Variants in CLEC2A observed in about 807,000 individuals in gnomAD.
CLEC2A encodes keratinocyte-associated C-type lectin.
Under a neutral mutation model 18.6 loss-of-function variants are expected in CLEC2A, and 19 were observed. That is an observed-to-expected ratio of 1.02 (90% confidence interval 0.71 to 1.50). The LOEUF (loss-of-function observed/expected upper bound fraction) is 1.50. CLEC2A is among the 40% of genes most tolerant of loss of function. The pLI, the probability that CLEC2A is intolerant of heterozygous loss-of-function variation, is 0.00. For missense variants in CLEC2A, 190 were observed against 207.9 expected, an observed-to-expected ratio of 0.91 and a Z score of 0.53; for synonymous variants, 74 against 64.0, an observed-to-expected ratio of 1.16 and a Z score of -0.75.
chr12:9,915,136 T>G (rs1863050078), intron 4 of CLEC2A, among the ~76,000 whole-genome samples: 1 of 150,636 alleles, frequency 6.6e-6, no homozygotes, highest in African/African-American at 2.4e-5. Flanking sequence ...GAAATGCAAA[T>G]CAAAACAATA....
At chr12:9,927,008 A>G (rs370382994) in intron 1 of CLEC2A, among the ~76,000 whole-genome samples, 6 of 152,062 alleles carry the variant, frequency 3.9e-5, no homozygotes, top group African/African-American at 1.2e-4. Flanking sequence ...TGTAGAAACA[A>G]TCTAGGAAGA....
downstream of CLEC2A, among the ~76,000 whole-genome samples, chr12:9,911,656 C>CT (rs1254847332): frequency 6.6e-6 from 1 of 152,156 alleles, no homozygotes; most frequent in East Asian, 1.9e-4. Flanking sequence ...AGTACCACAG[C>CT]TTTTATCTTC....
intron 1 of CLEC2A, among the ~76,000 whole-genome samples, chr12:9,927,847 G>C (rs953220037): frequency 6.6e-6 from 1 of 151,268 alleles, no homozygotes; most frequent in South Asian, 2.1e-4. Context: ...TTTTTTTCAA[G>C]ATTAGGGAGA....
downstream of CLEC2A, among the ~76,000 whole-genome samples, chr12:9,911,763 A>G (rs1260370891): frequency 6.6e-6 from 1 of 152,210 alleles, no homozygotes; most frequent in Non-Finnish European, 1.5e-5. Context: ...ACAGACAGGC[A>G]GAAGAAAACC....
chr12:9,930,009 A>T (rs1388711197), intron 1 of CLEC2A, among the ~76,000 whole-genome samples: 2 of 152,122 alleles, frequency 1.3e-5, no homozygotes, highest in African/African-American at 4.8e-5. Flanking sequence ...CTGCCGTAAC[A>T]AGTTGTCACA....
At chr12:9,901,359 C>T (rs1247363210) in intron 4 of CLEC2A, among the ~76,000 whole-genome samples, 2 of 152,120 alleles carry the variant, frequency 1.3e-5, no homozygotes, top group Non-Finnish European at 2.9e-5. Flanking sequence ...AGCAAAATGT[C>T]CAGGGTAGTT....
At chr12:9,927,803 C>T (rs1176343687) in intron 1 of CLEC2A, among the ~76,000 whole-genome samples, 5 of 148,298 alleles carry the variant, frequency 3.4e-5, no homozygotes, top group Non-Finnish European at 7.4e-5. Context: ...TCTAGAGAAA[C>T]AATAGCTAAA....
chr12:9,878,364 G>T, the CLEC2A span, among the ~76,000 whole-genome samples: 1 of 152,056 alleles, frequency 6.6e-6, no homozygotes. Flanking sequence ...TTTTATATGG[G>T]CCAAGGGGAG....
At chr12:9,888,734 T>C in the CLEC2A span, 2 of 1,487,256 alleles carry the variant, frequency 1.3e-6, no homozygotes, top group South Asian at 1.2e-5. Context: ...TGAGTACAGA[T>C]AAAAAAATGG....
intron 1 of CLEC2A, among the ~76,000 whole-genome samples, chr12:9,928,090 C>T (rs926207470): frequency 6.6e-6 from 1 of 151,930 alleles, no homozygotes; most frequent in Non-Finnish European, 1.5e-5. Flanking sequence ...TAGTTTGTGA[C>T]CATGAGAATT....
intron 1 of CLEC2A, among the ~76,000 whole-genome samples, chr12:9,926,862 A>G (rs1863281152): frequency 1.3e-5 from 2 of 152,336 alleles, no homozygotes; most frequent in South Asian, 4.1e-4. Context: ...TAAAAGCAGT[A>G]ATTTATTTAT....
downstream of CLEC2A, chr12:9,913,162 C>A (rs73255419): frequency 4.5e-6 from 1 of 221,734 alleles, no homozygotes. Flanking sequence ...TTACTCTAGT[C>A]TATATAGTAT....
chr12:9,901,487 C>T (rs1862828929), intron 4 of CLEC2A, among the ~76,000 whole-genome samples: 2 of 152,050 alleles, frequency 1.3e-5, no homozygotes, highest in Admixed American at 1.3e-4. Flanking sequence ...TTATAGAAAT[C>T]CCATACAATT....
Position 9,913,956 on chromosome 12 carries a change from T to C in CLEC2A, c.411-276A>G, listed in dbSNP as rs73255422. Among the ~76,000 whole-genome samples the C allele has an allele frequency of 9.8e-3, 1,493 of 152,300 alleles. 29 individuals are homozygous for C. The highest frequency in any genetic ancestry group is 0.035 in the African/African-American group (1,448 of 41,552). ...GGTATACAAAGACGGGGTAAAACCC[T>C]TCTTTCCTTCCATTCTTCCTTCCTT... On this transcript the variant is annotated intron_variant, in intron 4 of 4. Transcript: ENST00000455827.
At chr12:9,885,077 A>G in the CLEC2A span, 3 of 687,720 alleles carry the variant, frequency 4.4e-6, no homozygotes, top group Admixed American at 4.2e-5. Context: ...CAGAAGATAA[A>G]TGTTGATCCT....
intron 4 of CLEC2A, among the ~76,000 whole-genome samples, chr12:9,914,590 C>G (rs1447892673): frequency 6.6e-6 from 1 of 152,028 alleles, no homozygotes; most frequent in Non-Finnish European, 1.5e-5. Flanking sequence ...CTTTGACAAA[C>G]CTGACAAAAA....
At chr12:9,922,279 G>T (rs1315490626) in intron 2 of CLEC2A, 47 bp from the exon 3 acceptor site, 14 of 1,437,410 alleles carry the variant, frequency 9.7e-6, no homozygotes, top group East Asian at 2.6e-5. Context: ...ATGTTAAAAA[G>T]TGTTTCTACT....
chr12:9,883,851 C>T, the CLEC2A span, among the ~76,000 whole-genome samples: 1 of 152,064 alleles, frequency 6.6e-6, no homozygotes, highest in African/African-American at 2.4e-5. Context: ...AGCATCCACA[C>T]AGAAATTAGA....
intron 4 of CLEC2A, among the ~76,000 whole-genome samples, chr12:9,903,075 G>A (rs111269416): frequency 1.5e-3 from 228 of 152,272 alleles, no homozygotes; most frequent in African/African-American, 5.4e-3. Flanking sequence ...CAGGATAGAA[G>A]CAAGAGAGTA....
Sources: gnomAD v4.1 joint callset for allele counts (sites outside exome capture counted in the v4.1 genomes callset) on GRCh38, gnomAD v4.1.1 for gene constraint, MANE v1.5 for transcripts, NCBI Gene and HGNC (gene_info 2026-07-23, HGNC 2026-07-21) for gene names.